The following AKAP6 variants were observed in gnomAD, a reference collection of about 807,000 sequenced individuals.
AKAP6 encodes A-kinase anchoring protein 6, also known as A-kinase anchor protein 6.
A neutral mutation model predicts 188.5 loss-of-function variants in AKAP6; 58 were observed. The ratio of observed to expected loss-of-function variants is 0.31; its 90% CI spans 0.25 to 0.38. The LOEUF (loss-of-function observed/expected upper bound fraction) is 0.38, where lower values mean the gene tolerates loss of function less well. Among genes scored for constraint, AKAP6 ranks in the 10% least tolerant of loss-of-function variants. AKAP6 has a pLI of 1.00. For synonymous variants in AKAP6, 989 were observed against 998.6 expected, an observed-to-expected ratio of 0.99 and a Z score of 0.18; for missense variants, 2,710 against 2,740.0, an observed-to-expected ratio of 0.99 and a Z score of 0.24.
chr14:32,430,342 A>G (rs1045728482), intron 1 of AKAP6, among the ~76,000 whole-genome samples: 6 of 152,224 alleles, frequency 3.9e-5, no homozygotes, highest in Non-Finnish European at 8.8e-5. Context: ...GCCCCAAATC[A>G]TATAAAACTG....
intron 9 of AKAP6, among the ~76,000 whole-genome samples, chr14:32,705,595 G>T (rs1890780693): frequency 6.6e-6 from 1 of 152,076 alleles, no homozygotes; most frequent in African/African-American, 2.4e-5. Flanking sequence ...CAGGGATCTT[G>T]ATTATTTTCC....
chr14:32,411,692 C>T (rs1889487070), intron 1 of AKAP6, among the ~76,000 whole-genome samples: 1 of 152,060 alleles, frequency 6.6e-6, no homozygotes, highest in Non-Finnish European at 1.5e-5. Context: ...TTCCCCACTG[C>T]CAGTTTAGGA....
chr14:32,830,092 A>G lies in AKAP6; in HGVS notation c.*287A>G, dbSNP rs143766547. On this transcript the variant is annotated 3_prime_UTR_variant, in exon 14 of 14. Coordinates refer to ENST00000280979, the MANE Select transcript of AKAP6 (RefSeq NM_004274.5). Reference sequence around the variant, plus strand: ...TGGATTCCTGTCCCAAGCTACCTCTACCAACCCTCTCTCTCCAGCTAGACT... The same window carrying G: ...TGGATTCCTGTCCCAAGCTACCTCTGCCAACCCTCTCTCTCCAGCTAGACT... 1,700 of 636,006 alleles carry G rather than the reference A, an allele frequency of 2.7e-3. 34 individuals carry two copies. In the African/African-American group the frequency reaches 0.029, roughly 11 times the overall value. The allele number at this position is 636,006 out of a possible 1,614,324, so 39.4% of individuals were successfully genotyped here.
intron 12 of AKAP6, among the ~76,000 whole-genome samples, chr14:32,777,568 A>T (rs1269701183): frequency 6.6e-6 from 1 of 152,244 alleles, no homozygotes; most frequent in Non-Finnish European, 1.5e-5. Context: ...TGAGATTAAC[A>T]GCCAATTAGA....
At chr14:32,466,707 C>T (rs557966376) in intron 2 of AKAP6, among the ~76,000 whole-genome samples, 37 of 143,058 alleles carry the variant, frequency 2.6e-4, no homozygotes, top group Admixed American at 1.1e-3. Flanking sequence ...CAAACCTGCA[C>T]GTTCTGCACA....
chr14:32,666,965 C>G lies in AKAP6; in HGVS notation c.2731-11346C>G, dbSNP rs141122087. On this transcript the variant is annotated intron_variant, in intron 7 of 13. Transcript: ENST00000280979. ...ATGTCATTTGTCTATAGTGCATTTT[C>G]TTTTCATTTATAATAAAAAGTGAAG... 3.1e-3 allele frequency among the ~76,000 whole-genome samples: 478 copies of G among 152,036 alleles called. 1 individual carries two copies. Among genetic ancestry groups the G allele is most frequent in the African/African-American group, 0.011 (459 of 41,494 alleles).
intron 7 of AKAP6, among the ~76,000 whole-genome samples, chr14:32,652,293 A>T (rs886159419): frequency 7.9e-5 from 12 of 152,072 alleles, no homozygotes; most frequent in Non-Finnish European, 4.4e-5. Context: ...CCCAAATGGG[A>T]GCCACCAGCC....
chr14:32,680,546 A>G (rs997796827), intron 8 of AKAP6, among the ~76,000 whole-genome samples: 1 of 152,202 alleles, frequency 6.6e-6, no homozygotes. Context: ...TCTTCATTCC[A>G]CATGCATATA....
Position 32,545,772 on chromosome 14 carries a change from C to T in AKAP6, c.1119C>T (p.Ile373=), listed in dbSNP as rs774536896. 1.9e-6 allele frequency: 3 copies of T among 1,614,170 alleles called. No individual in the cohort carries two copies. The highest frequency in any genetic ancestry group is 2.5e-6 in the Non-Finnish European group (3 of 1,180,034). The change falls in exon 4 of 14, where the codon ATC becomes ATT. Residue 373 remains isoleucine, a synonymous_variant. Coordinates refer to ENST00000280979, the MANE Select transcript of AKAP6 (RefSeq NM_004274.5). ...AAAATGCAACCCCCAAACGAACCATCAGAGATTGCTTTAATTATAACGAGG... is the reference window on the plus strand; with the variant it reads ...AAAATGCAACCCCCAAACGAACCATTAGAGATTGCTTTAATTATAACGAGG... ...PCENATPKRT[I]RDCFNYNEDS...
At chr14:32,680,213 A>G (rs1182689466) in intron 8 of AKAP6, among the ~76,000 whole-genome samples, 1 of 152,222 alleles carries the variant, frequency 6.6e-6, no homozygotes, top group East Asian at 1.9e-4. Context: ...AAGGCTGTGC[A>G]TTGTGCAGAA....
At chr14:32,593,571 T>A (rs1047897182) in intron 5 of AKAP6, among the ~76,000 whole-genome samples, 1 of 152,188 alleles carries the variant, frequency 6.6e-6, no homozygotes. Flanking sequence ...AGTGGTTAGA[T>A]AGCCTTTGGG....
intron 12 of AKAP6, among the ~76,000 whole-genome samples, chr14:32,784,375 C>T (rs1234343165): frequency 1.3e-5 from 2 of 152,154 alleles, no homozygotes; most frequent in African/African-American, 4.8e-5. Context: ...AATTTCTCTT[C>T]TCAAATGCCA....
At chr14:32,717,011 C>G (rs61981372) in intron 9 of AKAP6, among the ~76,000 whole-genome samples, 15,052 of 152,104 alleles carry the variant, frequency 0.099, 1,024 homozygotes, top group Non-Finnish European at 0.14. Context: ...AGCTTTGTCC[C>G]TGTTTTGCAG....
intron 4 of AKAP6, among the ~76,000 whole-genome samples, chr14:32,572,459 A>G (rs929203614): frequency 2.0e-5 from 3 of 152,200 alleles, no homozygotes; most frequent in South Asian, 2.1e-4. Context: ...CTGGCCCCAT[A>G]TATGGCACAA....
At chr14:32,709,660 A>T (rs1483831666) in intron 9 of AKAP6, among the ~76,000 whole-genome samples, 2 of 152,022 alleles carry the variant, frequency 1.3e-5, no homozygotes, top group African/African-American at 2.4e-5. Flanking sequence ...TCCATTAAAG[A>T]TCTTTCCAGA....
chr14:32,334,418 G>A (rs1886625139), intron 1 of AKAP6, among the ~76,000 whole-genome samples: 1 of 152,058 alleles, frequency 6.6e-6, no homozygotes, highest in South Asian at 2.1e-4. Flanking sequence ...TTGGTTTTCA[G>A]ATCAACTATC....
chr14:32,606,260 T>G (rs1391176869), intron 7 of AKAP6, among the ~76,000 whole-genome samples: 1 of 152,174 alleles, frequency 6.6e-6, no homozygotes, highest in Non-Finnish European at 1.5e-5. Context: ...GTATGTTCAA[T>G]TTTTTAATGG....
intron 9 of AKAP6, among the ~76,000 whole-genome samples, chr14:32,705,616 G>A (rs535527570): frequency 6.6e-6 from 1 of 152,134 alleles, no homozygotes; most frequent in African/African-American, 2.4e-5. Flanking sequence ...TTAATTCATA[G>A]ACCCTGAGCC....
chr14:32,810,601 T>G (rs1182620797), intron 12 of AKAP6, among the ~76,000 whole-genome samples: 1 of 152,160 alleles, frequency 6.6e-6, no homozygotes, highest in Non-Finnish European at 1.5e-5. Flanking sequence ...CAAAAATGTG[T>G]ATTGCCTTCT....
Sources: allele counts gnomAD v4.1 joint callset (sites outside exome capture counted in the v4.1 genomes callset), GRCh38; gene constraint gnomAD v4.1.1; transcripts MANE v1.5; gene names NCBI Gene and HGNC (gene_info 2026-07-23, HGNC 2026-07-21).